QSER1: variants seen among roughly 807,000 people sequenced by gnomAD.
QSER1 encodes the protein glutamine and serine-rich protein 1.
A neutral mutation model predicts 158.5 loss-of-function variants in QSER1; 49 were observed. The ratio of observed to expected loss-of-function variants is 0.31; its 90% confidence interval spans 0.25 to 0.39. The LOEUF (loss-of-function observed/expected upper bound fraction) is 0.39. QSER1 is among the 10% of genes least tolerant of loss of function. QSER1 has a pLI of 1.00. For missense variants in QSER1, 1,754 were observed against 2,010.3 expected (o/e 0.87, Z 2.44); for synonymous variants, 650 against 715.5 (o/e 0.91, Z 1.46).
In QSER1 at chr11:32,956,161, A is replaced by G. The variant is rs1406232060; in HGVS notation, c.4751+40A>G. 3.3e-6 allele frequency: 5 copies of G among 1,518,642 alleles called. No homozygotes were observed. The South Asian group carries it at 5.7e-5, about 17-fold the overall frequency. 94.1% of individuals were successfully genotyped at this position (1,518,642 alleles called of 1,614,324 possible). ...AGGTGATATATTTGTGCATATATAT[A>G]GGTGTATTATTGATGATACCAATGT... On this transcript the variant is annotated intron_variant, in intron 7 of 12. Transcript: ENST00000650167.
intron 4 of QSER1, among the ~76,000 whole-genome samples, chr11:32,945,654 C>G (rs1329087113): frequency 6.6e-6 from 1 of 150,556 alleles, no homozygotes; most frequent in African/African-American, 2.4e-5. Flanking sequence ...ACCTTTCTCT[C>G]TGGCTGCCCT....
chr11:32,973,697 G>C (rs1181618874), intron 11 of QSER1, 148 bp downstream of exon 11: 2 of 694,648 alleles, frequency 2.9e-6, no homozygotes. Flanking sequence ...CTGGCCTGAG[G>C]AACAGGGACG....
At chr11:32,941,354 G>C (rs904001477) in intron 4 of QSER1, among the ~76,000 whole-genome samples, 1 of 149,334 alleles carries the variant, frequency 6.7e-6, no homozygotes, top group Non-Finnish European at 1.5e-5. Context: ...TTTAGCATTA[G>C]GTATATCTCC....
intron 1 of QSER1, among the ~76,000 whole-genome samples, chr11:32,925,494 T>TTTTATTTA (rs374397828): frequency 0.064 from 9,203 of 143,552 alleles, 344 homozygotes; most frequent in Non-Finnish European, 0.084. Flanking sequence ...TACATCGCTT[T>TTTTATTTA]TTTATTTATT....
intron 1 of QSER1, among the ~76,000 whole-genome samples, chr11:32,898,509 CACACACACACACACACACACAT>C (rs1851584709): frequency 6.6e-6 from 1 of 151,780 alleles, no homozygotes; most frequent in Admixed American, 6.6e-5. Flanking sequence ...CACACACACA[CACACACACACACACACACACAT>C]TGTAATGTGC....
chr11:32,960,912 CTT>C (rs1470218392), intron 8 of QSER1, among the ~76,000 whole-genome samples: 2 of 152,266 alleles, frequency 1.3e-5, no homozygotes. Flanking sequence ...TTTTCAGACT[CTT>C]TGTTTCAGGA....
intron 4 of QSER1, among the ~76,000 whole-genome samples, chr11:32,940,470 G>T (rs1029826618): frequency 1.3e-5 from 2 of 151,958 alleles, no homozygotes; most frequent in African/African-American, 2.4e-5. Context: ...AGTATTTTTT[G>T]TCTTAATCTG....
chr11:32,911,287 G>A (rs988354686), intron 1 of QSER1, among the ~76,000 whole-genome samples: 2 of 152,166 alleles, frequency 1.3e-5, no homozygotes, highest in African/African-American at 4.8e-5. Context: ...GCCTCCTGGG[G>A]GTGGTGGGGG....
intron 10 of QSER1, among the ~76,000 whole-genome samples, chr11:32,969,741 G>T (rs1468816277): frequency 8.3e-5 from 12 of 145,052 alleles, no homozygotes; most frequent in African/African-American, 3.1e-4. Flanking sequence ...CTACATTGCA[G>T]TGGCACAACC....
chr11:32,952,509 G>A (rs779708360), intron 4 of QSER1, among the ~76,000 whole-genome samples: 6 of 152,230 alleles, frequency 3.9e-5, no homozygotes, highest in Non-Finnish European at 1.5e-5. Context: ...GGATTTGCTA[G>A]TATTTCATTG....
chr11:32,933,730 C>T lies in QSER1; in HGVS notation c.2472C>T (p.His824=), dbSNP rs574365165. 3.8e-5 allele frequency: 62 copies of T among 1,613,966 alleles called. No individual in the cohort carries two copies. In the East Asian group the frequency reaches 6.9e-4, roughly 18 times the overall value. Reference sequence around the variant, plus strand: ...ATGAGTCCAAGGTCCAGGAACAGCACGATCAAATAATTAATGCTTCATCTC... The same window carrying T: ...ATGAGTCCAAGGTCCAGGAACAGCATGATCAAATAATTAATGCTTCATCTC... ...KVHESKVQEQ[H]DQIINASSQI... The change falls in exon 4 of 13, where the codon CAC becomes CAT. Residue 824 remains histidine (H), a synonymous_variant. Coordinates refer to ENST00000650167, the MANE Select transcript of QSER1 (RefSeq NM_001076786.3).
rs1369879129 is a variant in QSER1 at position 32,977,516 on chromosome 11, A to G, written c.*1042A>G. The G allele has an allele frequency of 6.6e-6, 1 of 152,654 alleles. No individual in the cohort carries two copies. The highest frequency in any genetic ancestry group is 2.4e-5 in the African/African-American group (1 of 41,462). 9.5% of individuals were successfully genotyped at this position (152,654 alleles called of 1,614,324 possible). A position where few individuals can be genotyped will look rare whatever the true frequency, so the allele number is the denominator to read the frequency against. The stretch of plus-strand genomic sequence containing the variant: ...CTTGTTGAGGTAAAAATCTAACTAC[A>G]TTTACATTTTGAAGAATAAAACTGA... On this transcript the variant is annotated 3_prime_UTR_variant, in exon 13 of 13. Transcript: ENST00000650167.
rs1851507839 is a variant in QSER1, at chr11:32,893,276, AGCAGCAGCTGCAGCAGTGGCAGCT to A, written c.156_179del (p.Cys54_Ser61del). ...ACCCCGAGCCGCCGCCGCCGCCGCC[AGCAGCAGCTGCAGCAGTGGCAGCT>A]GCAGTAGCGGCAGCAGCCCCAGCCT... On this transcript the variant is annotated inframe_deletion, in exon 1 of 13. Transcript: ENST00000650167. The surrounding 1 kb of genome is among the most constrained non-coding windows in gnomAD (Gnocchi z 4.7). The A allele has an allele frequency of 6.5e-6, 1 of 152,888 alleles. No homozygotes were observed. Among genetic ancestry groups the A allele is most frequent in the Admixed American group, 6.6e-5 (1 of 15,194 alleles). 9.5% of individuals were successfully genotyped at this position (152,888 alleles called of 1,614,324 possible).
intron 1 of QSER1, among the ~76,000 whole-genome samples, chr11:32,912,351 T>C (rs2133510171): frequency 6.6e-6 from 1 of 152,304 alleles, no homozygotes; most frequent in Non-Finnish European, 1.5e-5. Context: ...AGTATCTAGC[T>C]ATTGCCACTG....
intron 7 of QSER1, 59 bp from the exon 8 acceptor site, chr11:32,957,810 T>C: frequency 3.7e-6 from 5 of 1,342,160 alleles, no homozygotes; most frequent in South Asian, 2.7e-5. Context: ...TATTTTTCTA[T>C]TTTATTTTAG....
rs184627634 is a variant in QSER1 at position 32,914,928 on chromosome 11, G to A, written c.210-12229G>A. On this transcript the variant is annotated intron_variant, in intron 1 of 12. Coordinates refer to ENST00000650167, the MANE Select transcript of QSER1 (RefSeq NM_001076786.3). ...GTTTGTTTCAATTTTTGTTGTTGTTGTTTTTTGTTTTGAGACAGTCTTGCT... is the reference window on the plus strand; with the variant it reads ...GTTTGTTTCAATTTTTGTTGTTGTTATTTTTTGTTTTGAGACAGTCTTGCT... Among the ~76,000 whole-genome samples the A allele has an allele frequency of 8.6e-3, 1,310 of 152,162 alleles. 7 individuals carry two copies. Among genetic ancestry groups the A allele is most frequent in the Admixed American group, 0.017 (261 of 15,276 alleles).
In QSER1 at chr11:32,935,456, T is replaced by A. The variant is rs754460409; in HGVS notation, c.4177+21T>A. The A allele has an allele frequency of 1.5e-4, 222 of 1,436,668 alleles. 2 individuals carry two copies. In the South Asian group the frequency reaches 2.1e-3, roughly 14 times the overall value. The allele number at this position is 1,436,668 out of a possible 1,614,324, so 89.0% of individuals were successfully genotyped here. On this transcript the variant is annotated intron_variant, in intron 4 of 12. Coordinates refer to ENST00000650167, the MANE Select transcript of QSER1 (RefSeq NM_001076786.3). ...AACAGGTAAAGTTTTACAATTTAGA[T>A]TCATAATTATTACTTTCTTCTATTT...
In QSER1 at chr11:32,927,988, G is replaced by A. The variant is rs1851996369; in HGVS notation, c.349G>A (p.Val117Met). The change falls in exon 3 of 13, where the codon GTG (valine) becomes ATG (methionine). Residue 117 changes from valine (V) to methionine (M), a missense_variant. By Grantham distance (21) the Val-to-Met change is conservative (BLOSUM62 1). Around this residue, in one of 2 missense-constraint regions of QSER1, gnomAD observed 1,707 missense variants for 1,919.6 expected, o/e 0.89. Coordinates refer to ENST00000650167, the MANE Select transcript of QSER1 (RefSeq NM_001076786.3). ...TCTTTCTGGAATATTTGATACTAGT[G>A]TGAACAGTGCCAGCAGTAACACTAA... ...TGLSGIFDTS[V>M]NSASSNTKES... The A allele has an allele frequency of 3.4e-6, 4 of 1,190,420 alleles. No homozygotes were observed. Among genetic ancestry groups the A allele is most frequent in the Non-Finnish European group, 5.0e-6 (4 of 803,512 alleles). The allele number at this position is 1,190,420 out of a possible 1,614,324, so 73.7% of individuals were successfully genotyped here. A position where few individuals can be genotyped will look rare whatever the true frequency, so the allele number is the denominator to read the frequency against.
At chr11:32,971,619 C>T (rs561104163) in intron 10 of QSER1, among the ~76,000 whole-genome samples, 1 of 152,200 alleles carries the variant, frequency 6.6e-6, no homozygotes, top group East Asian at 1.9e-4. Context: ...ATGATAAGTG[C>T]ACAAATAATC....
Sources: gnomAD v4.1 joint callset for allele counts (sites outside exome capture counted in the v4.1 genomes callset) on GRCh38, gnomAD v4.1.1 for gene constraint, gnomAD v4.1.1 regional missense constraint, Gnocchi (gnomAD v3.1) non-coding constraint, MANE v1.5 for transcripts, NCBI Gene and HGNC (gene_info 2026-07-23, HGNC 2026-07-21) for gene names.